The following RBCK1 variants were observed in gnomAD, a reference collection of about 807,000 sequenced individuals.
RBCK1 encodes ranBP-type and C3HC4-type zinc finger-containing protein 1.
A neutral mutation model predicts 71.1 loss-of-function variants in RBCK1; 44 were observed. The observed-to-expected ratio is 0.62, with a 90% CI of 0.49 to 0.80. RBCK1 has a LOEUF of 0.80. Ranked by LOEUF, RBCK1 falls within the 30% of genes least tolerant of loss-of-function variation. The pLI is 0.00. For synonymous variants in RBCK1, 306 were observed against 279.7 expected, an observed-to-expected ratio of 1.09 and a Z score of -0.94; for missense variants, 569 against 685.0, an observed-to-expected ratio of 0.83 and a Z score of 1.89.
At chr20:418,051 T>A in intron 4 of RBCK1, 121 bp downstream of exon 4, 2 of 1,008,718 alleles carry the variant, frequency 2.0e-6, no homozygotes, top group Non-Finnish European at 2.8e-6. Flanking sequence ...GAGGACCCTA[T>A]CCAAGTGGGG....
chr20:417,548 G>T lies in RBCK1; in HGVS notation c.190G>T (p.Ala64Ser). Residue 64 changes from alanine (A) to serine (S), a missense_variant, in exon 3 of 12, where the codon GCT (alanine) becomes TCT (serine). By Grantham distance (99) the Ala-to-Ser change is moderately conservative (BLOSUM62 1). Around this residue, in one of 2 missense-constraint regions of RBCK1, gnomAD observed 358 missense variants for 375.6 expected, o/e 0.95. Coordinates refer to ENST00000356286, the MANE Select transcript of RBCK1 (RefSeq NM_031229.4). The surrounding 1 kb of genome is among the most constrained non-coding windows in gnomAD (Gnocchi z 4.7). ...DIRLWVSVED[A>S]QMHTVTIWLT... ...CAGGCTGTGGGTGAGCGTGGAGGATGCTCAGATGCACACCGTCACCATCTG... is the reference window on the plus strand; with the variant it reads ...CAGGCTGTGGGTGAGCGTGGAGGATTCTCAGATGCACACCGTCACCATCTG... The T allele has an allele frequency of 6.2e-7, 1 of 1,613,716 alleles. No individual in the cohort carries two copies. Among genetic ancestry groups the T allele is most frequent in the African/African-American group, 1.3e-5 (1 of 75,040 alleles).
At position 429,076 on chromosome 20, in the gene RBCK1, C is replaced by A. The variant is rs767016233; in HGVS notation, c.1434C>A (p.Gly478=). 1 of 1,612,704 alleles carries A rather than the reference C, an allele frequency of 6.2e-7. No homozygotes were observed. Among genetic ancestry groups the A allele is most frequent in the Admixed American group, 1.7e-5 (1 of 59,954 alleles). The change falls in exon 11 of 12, where the codon GGC becomes GGA. Residue 478 remains glycine (G), a synonymous_variant. Transcript: ENST00000356286. ...CHTEICWVTK[G]PRWGPGGPGD... ...CCGAGATCTGCTGGGTCACCAAGGG[C>A]CCACGCTGGGGCCCTGGGGTGAGTC... is the stretch of plus-strand genomic sequence containing the variant.
At position 419,698 on chromosome 20, in the gene RBCK1, G is replaced by GAGCCCGACCAGCCC. The variant is rs2122246685; in HGVS notation, c.723_724insAGCCCGACCAGCCC (p.Gly242SerfsTer39). 6.4e-7 allele frequency: 1 copy of GAGCCCGACCAGCCC among 1,571,748 alleles called. No homozygotes were observed. Among genetic ancestry groups the GAGCCCGACCAGCCC allele is most frequent in the African/African-American group, 1.3e-5 (1 of 74,278 alleles). The stretch of plus-strand genomic sequence containing the variant: ...ACGAGGAGGAGCGAGCGCGCCTGGC[G>GAGCCCGACCAGCCC]GGCGAGGAGGAGGCGCTGCGTCAGT... On this transcript the variant is annotated frameshift_variant, in exon 6 of 12. Transcript: ENST00000356286. LOFTEE classifies it high-confidence loss of function.
Position 417,448 on chromosome 20 carries a change from T to C in RBCK1, c.168-78T>C, listed in dbSNP as rs2016062852. On this transcript the variant is annotated intron_variant, in intron 2 of 11. Transcript: ENST00000356286. The surrounding 1 kb of genome is among the most constrained non-coding windows in gnomAD (Gnocchi z 4.7). ...GCATGGCCATGTGCCTGTGTGCAAA[T>C]ATGTACATGTCTGTAGCCGGTGGCT... is the stretch of plus-strand genomic sequence containing the variant. 3 of 1,250,700 alleles carry C rather than the reference T, an allele frequency of 2.4e-6. No individual in the cohort carries two copies. The highest frequency in any genetic ancestry group is 3.5e-6 in the Non-Finnish European group (3 of 852,514). The allele number at this position is 1,250,700 out of a possible 1,614,324, so 77.5% of individuals were successfully genotyped here.
chr20:428,625 A>C lies in RBCK1; in HGVS notation c.1308+36A>C. Reference sequence around the variant, plus strand: ...GACAGGGCCGAGGCCTAGGGATTTTAAGTTCTGGGATCCAGGTGGGGGCTG... The same window carrying C: ...GACAGGGCCGAGGCCTAGGGATTTTCAGTTCTGGGATCCAGGTGGGGGCTG... On this transcript the variant is annotated intron_variant, in intron 10 of 11. Coordinates refer to ENST00000356286, the MANE Select transcript of RBCK1 (RefSeq NM_031229.4). This position sits in a 1 kb window ranked among gnomAD's most constrained non-coding sequence, Gnocchi z 5.7. 1 of 1,565,726 alleles carries C rather than the reference A, an allele frequency of 6.4e-7. No individual in the cohort carries two copies. Among genetic ancestry groups the C allele is most frequent in the Non-Finnish European group, 8.7e-7 (1 of 1,155,430 alleles).
At position 408,493 on chromosome 20, in the gene RBCK1, C is replaced by G. The variant is rs1167918703; in HGVS notation, c.-265C>G. On this transcript the variant is annotated 5_prime_UTR_variant, in exon 1 of 12. Transcript: ENST00000356286. ...CGCTTCTTCCCACCTCGGCTGGTCC[C>G]GTTTCCTCCTGCGCCCAGTGCGGAC... The G allele has an allele frequency of 3.6e-6, 2 of 552,750 alleles. No homozygotes were observed. The highest frequency in any genetic ancestry group is 6.4e-6 in the Non-Finnish European group (2 of 313,034). 34.2% of individuals were successfully genotyped at this position (552,750 alleles called of 1,614,324 possible). A position where few individuals can be genotyped will look rare whatever the true frequency, so the allele number is the denominator to read the frequency against.
At chr20:408,863 C>T in intron 1 of RBCK1, 84 bp downstream of exon 1, 1 of 1,503,078 alleles carries the variant, frequency 6.7e-7, no homozygotes, top group Admixed American at 2.1e-5. Context: ...GCCAGAAGGG[C>T]CTTGGAGAGG....
At chr20:411,760 C>G (rs1229538908) in intron 2 of RBCK1, among the ~76,000 whole-genome samples, 1 of 152,054 alleles carries the variant, frequency 6.6e-6, no homozygotes. Flanking sequence ...GTCTTCCCAC[C>G]TCAGCCTCTC....
chr20:427,540 G>A, intron 9 of RBCK1, 48 bp downstream of exon 9: 1 of 1,598,492 alleles, frequency 6.3e-7, no homozygotes, highest in Non-Finnish European at 8.5e-7. Context: ...CATCTTGCCT[G>A]GAGCTCACCA....
chr20:431,549 C>T lies in RBCK1; in HGVS notation c.*1119C>T, dbSNP rs371693284. On this transcript the variant is annotated 3_prime_UTR_variant, in exon 12 of 12. Transcript: ENST00000356286. The surrounding 1 kb of genome is among the most constrained non-coding windows in gnomAD (Gnocchi z 4.8). ...TATTTGATGCCCAACACATTGTCCA[C>T]GCTGTGACGTGACCATCATCATAGC... Among the ~76,000 whole-genome samples, 18 of 152,306 alleles carry T rather than the reference C, an allele frequency of 1.2e-4. 1 individual carries two copies. The East Asian group carries it at 3.5e-3, about 29-fold the overall frequency.
chr20:415,377 CAA>C (rs1303666680), intron 2 of RBCK1, among the ~76,000 whole-genome samples: 7 of 28,106 alleles, frequency 2.5e-4, no homozygotes, highest in African/African-American at 1.6e-3. Flanking sequence ...TCAAAAAAAA[CAA>C]AAACAAACAA....
At chr20:418,364 A>G (rs1034104212) in intron 4 of RBCK1, among the ~76,000 whole-genome samples, 8 of 152,176 alleles carry the variant, frequency 5.3e-5, no homozygotes, top group Middle Eastern at 3.4e-3. Flanking sequence ...GGGTTTTACC[A>G]CATGTGCTTT....
In RBCK1 at chr20:422,122, C is replaced by T. The variant is rs1303819672; in HGVS notation, c.918-5C>T. On this transcript the variant is annotated splice_polypyrimidine_tract_variant and splice_region_variant and intron_variant, in intron 7 of 11. Coordinates refer to ENST00000356286, the MANE Select transcript of RBCK1 (RefSeq NM_031229.4). The surrounding 1 kb of genome is among the most constrained non-coding windows in gnomAD (Gnocchi z 5.0). ...TCCTAACTCTTTTCCCCTCCCCTCC[C>T]CTAGGGAGTGCCTGCAGGGCACCAT... 6.2e-7 allele frequency: 1 copy of T among 1,609,928 alleles called. No homozygotes were observed.
chr20:414,859 C>A (rs559189292), intron 2 of RBCK1, among the ~76,000 whole-genome samples: 3 of 152,270 alleles, frequency 2.0e-5, no homozygotes, highest in African/African-American at 7.2e-5. Context: ...GTATCAGACT[C>A]ATCTATTTTT....
intron 2 of RBCK1, chr20:410,810 A>G (rs1190196517): frequency 2.5e-6 from 1 of 396,974 alleles, no homozygotes; most frequent in Non-Finnish European, 4.6e-6. Context: ...CAATAGTTTT[A>G]TGGTTTCTGA....
At chr20:410,496 T>C (rs1400015623) in intron 2 of RBCK1, 1 of 779,626 alleles carries the variant, frequency 1.3e-6, no homozygotes, top group African/African-American at 1.7e-5. Context: ...CCCTCCACAC[T>C]CTTCTAAAGA....
chr20:430,591 C>G lies in RBCK1; in HGVS notation c.*161C>G. On this transcript the variant is annotated 3_prime_UTR_variant, in exon 12 of 12. Coordinates refer to ENST00000356286, the MANE Select transcript of RBCK1 (RefSeq NM_031229.4). This position sits in a 1 kb window ranked among gnomAD's most constrained non-coding sequence, Gnocchi z 5.6. ...TCACATCTGCCCCAGTGCCTTTGTC[C>G]TTCCCTTGGGGCTTGCCGGCCAGAC... 1.4e-6 allele frequency: 1 copy of G among 704,340 alleles called. No homozygotes were observed. The highest frequency in any genetic ancestry group is 2.4e-6 in the Non-Finnish European group (1 of 416,116). The allele number at this position is 704,340 out of a possible 1,614,324, so 43.6% of individuals were successfully genotyped here.
At chr20:429,605 C>T (rs60540117) in intron 11 of RBCK1, among the ~76,000 whole-genome samples, 2,579 of 152,288 alleles carry the variant, frequency 0.017, 72 homozygotes, top group African/African-American at 0.058. Flanking sequence ...ATGAAATCCA[C>T]GTTTCAGTGT....
intron 7 of RBCK1, among the ~76,000 whole-genome samples, chr20:421,474 C>G (rs987076087): frequency 6.6e-6 from 1 of 152,208 alleles, no homozygotes; most frequent in East Asian, 1.9e-4. Context: ...CCTCCTGCAG[C>G]TTACATTCCA....
Sources: allele counts gnomAD v4.1 joint callset (sites outside exome capture counted in the v4.1 genomes callset), GRCh38; gene constraint gnomAD v4.1.1; regional missense constraint gnomAD v4.1.1; non-coding constraint Gnocchi (gnomAD v3.1); transcripts MANE v1.5; gene names NCBI Gene and HGNC (gene_info 2026-07-23, HGNC 2026-07-21).